NBPF14: variants seen among roughly 807,000 people sequenced by gnomAD.
NBPF14 encodes NBPF member 14, also known as NBPF family member NBPF14.
Under a neutral mutation model 91.2 loss-of-function variants are expected in NBPF14, and 104 were observed. That is an observed-to-expected ratio of 1.14 (90% CI 0.97 to 1.34). The LOEUF (loss-of-function observed/expected upper bound fraction) is 1.34. NBPF14 is among the 40% of genes most tolerant of loss of function. The probability of loss-of-function intolerance (pLI) is 0.00; values close to 1 mark genes in which losing one functional copy is unlikely to be tolerated. For missense variants in NBPF14, 908 were observed against 783.0 expected (o/e 1.16, Z -1.91); for synonymous variants, 294 against 303.8 (o/e 0.97, Z 0.34).
intron 3 of NBPF14, 89 bp from the exon 4 acceptor site, chr1:148,592,855 A>G (rs1201310375): frequency 0.16 from 132,732 of 839,980 alleles, 38,753 homozygotes; most frequent in African/African-American, 0.59. Flanking sequence ...AGACAATGTC[A>G]TCAAGGAGAC....
chr1:148,577,422 T>C (rs1284884595), intron 14 of NBPF14, 67 bp from the exon 15 acceptor site: 8 of 661,478 alleles, frequency 1.2e-5, no homozygotes, highest in Non-Finnish European at 2.2e-5. Context: ...CCCAGCTAGA[T>C]TTCATGGCTA....
chr1:148,593,148 C>T (rs1662770366), intron 3 of NBPF14, among the ~76,000 whole-genome samples: 1 of 147,484 alleles, frequency 6.8e-6, no homozygotes, highest in South Asian at 2.2e-4. Flanking sequence ...AGAAATGAGG[C>T]CAGGTGCAGA....
chr1:148,533,832 A>T (rs1233183772), intron 70 of NBPF14, 29 bp downstream of exon 70: 1 of 766,950 alleles, frequency 1.3e-6, no homozygotes, highest in Non-Finnish European at 2.4e-6. Flanking sequence ...TTAACACAGA[A>T]CTAAGGATCC....
intron 17 of NBPF14, 33 bp downstream of exon 17, chr1:148,575,606 G>C: frequency 7.5e-6 from 1 of 133,700 alleles, no homozygotes; most frequent in South Asian, 3.9e-5. Flanking sequence ...AAGACCAGGT[G>C]GAGGCTTATC....
rs1386423069 is a variant in NBPF14 at position 148,559,836 on chromosome 1, G to A, written c.4686C>T (p.Tyr1562=). 154 of 1,529,972 alleles carry A rather than the reference G, an allele frequency of 1.0e-4. 29 individuals are homozygous for A. In the South Asian group the frequency reaches 1.3e-3, roughly 13 times the overall value. The allele number at this position is 1,529,972 out of a possible 1,614,324, so 94.8% of individuals were successfully genotyped here. Reference sequence around the variant, plus strand: ...AGCCAACACGCTGCTGCTCCAATATGTAAAAGGCACTTCTATAGGGCTGGC... The same window carrying A: ...AGCCAACACGCTGCTGCTCCAATATATAAAAGGCACTTCTATAGGGCTGGC... Residue 1562 remains tyrosine (Y), a synonymous_variant, in exon 37 of 71, where the codon TAC becomes TAT. Coordinates refer to ENST00000619423, the Ensembl canonical transcript of NBPF14.
intron 70 of NBPF14, among the ~76,000 whole-genome samples, chr1:148,533,656 G>A (rs1487815722): frequency 0.024 from 3,627 of 148,166 alleles, 73 homozygotes; most frequent in African/African-American, 0.085. Flanking sequence ...TTTGAAGTAT[G>A]GTCAACCTAT....
At chr1:148,535,001 G>C (rs1654802640) in intron 68 of NBPF14, 145 bp from the exon 69 acceptor site, 7 of 709,826 alleles carry the variant, frequency 9.9e-6, no homozygotes, top group East Asian at 2.7e-5. Flanking sequence ...TTGCCTTTAT[G>C]TTGGGATAGA....
At chr1:148,572,695 G>T (rs1334272114) in intron 20 of NBPF14, 80 bp from the exon 21 acceptor site, 1 of 661,708 alleles carries the variant, frequency 1.5e-6, no homozygotes, top group East Asian at 2.7e-5. Context: ...CATGGCTAAC[G>T]TAAGGAAGAG....
intron 36 of NBPF14, among the ~76,000 whole-genome samples, 161 bp from the exon 37 acceptor site, chr1:148,560,126 G>A (rs1657494808): frequency 6.6e-6 from 1 of 150,746 alleles, no homozygotes; most frequent in Non-Finnish European, 1.5e-5. Context: ...ATAGAACAGG[G>A]CCAGGTAGAA....
Position 148,575,634 on chromosome 1 carries a change from C to G in NBPF14, c.2251+5G>C. Reference sequence around the variant, plus strand: ...GGCTTATCACCTTCACAGTAAGGTACTCACTGTCCACGTCAAGAGCCAAGC... The same window carrying G: ...GGCTTATCACCTTCACAGTAAGGTAGTCACTGTCCACGTCAAGAGCCAAGC... On this transcript the variant is annotated splice_donor_5th_base_variant and intron_variant, in intron 17 of 70. Transcript: ENST00000619423. The G allele has an allele frequency of 6.0e-6, 1 of 167,424 alleles. No homozygotes were observed. The highest frequency in any genetic ancestry group is 2.2e-4 in the African/African-American group (1 of 4,484). The allele number at this position is 167,424 out of a possible 1,614,324, so 10.4% of individuals were successfully genotyped here. A position where few individuals can be genotyped will look rare whatever the true frequency, so the allele number is the denominator to read the frequency against.
intron 6 of NBPF14, among the ~76,000 whole-genome samples, chr1:148,589,853 C>A (rs1662158533): frequency 6.8e-6 from 1 of 148,104 alleles, no homozygotes; most frequent in Admixed American, 6.7e-5. Flanking sequence ...ATCCCTCAGC[C>A]TGCCAAGCAT....
At chr1:148,559,501 A>G (rs2149501172) in intron 37 of NBPF14, among the ~76,000 whole-genome samples, 1 of 125,648 alleles carries the variant, frequency 8.0e-6, no homozygotes, top group South Asian at 2.8e-4. Context: ...TACAAAATTG[A>G]GACAAAATCA....
chr1:148,536,061 G>T (rs1655153133), intron 67 of NBPF14, among the ~76,000 whole-genome samples, 163 bp downstream of exon 67: 4 of 149,704 alleles, frequency 2.7e-5, no homozygotes, highest in African/African-American at 9.7e-5. Flanking sequence ...TCCCTTGTCT[G>T]GGCTTCCAAG....
intron 12 of NBPF14, among the ~76,000 whole-genome samples, chr1:148,580,132 CG>C: frequency 6.7e-6 from 1 of 150,024 alleles, no homozygotes; most frequent in East Asian, 2.0e-4. Flanking sequence ...TTCAGAAAGT[CG>C]GTAATAACAA....
At chr1:148,579,856 C>T (rs1323809901) in intron 12 of NBPF14, among the ~76,000 whole-genome samples, 1 of 152,106 alleles carries the variant, frequency 6.6e-6, no homozygotes, top group Non-Finnish European at 1.5e-5. Flanking sequence ...AGCTGAGGGA[C>T]CTGACTGTTA....
intron 49 of NBPF14, among the ~76,000 whole-genome samples, chr1:148,550,025 A>AT (rs1324987347): frequency 1.1e-5 from 1 of 89,248 alleles, no homozygotes; most frequent in Non-Finnish European, 1.9e-5. Context: ...GGTAGCGAGG[A>AT]TTTTACACGC....
At chr1:148,566,391 T>A (rs1363893875) in intron 28 of NBPF14, 76 bp from the exon 29 acceptor site, 6 of 702,384 alleles carry the variant, frequency 8.5e-6, no homozygotes, top group Admixed American at 2.0e-5. Context: ...GTTTCATGGG[T>A]AGCATAGGGA....
chr1:148,566,453 G>A (rs1201612247), intron 28 of NBPF14, 138 bp from the exon 29 acceptor site: 13 of 598,842 alleles, frequency 2.2e-5, no homozygotes, highest in East Asian at 1.8e-4. Context: ...ACAAATTGTT[G>A]CCTTCATGTT....
intron 2 of NBPF14, 68 bp downstream of exon 2, chr1:148,595,475 T>C (rs1475875526): frequency 8.3e-7 from 1 of 1,201,754 alleles, no homozygotes; most frequent in Non-Finnish European, 1.2e-6. Context: ...GGAGAGAGCA[T>C]TTAGTGTCTC....
Sources: allele counts gnomAD v4.1 joint callset (sites outside exome capture counted in the v4.1 genomes callset), GRCh38; gene constraint gnomAD v4.1.1; transcripts MANE v1.5; gene names NCBI Gene and HGNC (gene_info 2026-07-23, HGNC 2026-07-21).